WASHC3: variants seen among roughly 807,000 people sequenced by gnomAD.
The protein encoded by WASHC3 is WASH complex subunit 3.
WASHC3 carries 24 observed loss-of-function variants against 26.1 expected under a neutral mutation model. The ratio of observed to expected loss-of-function variants is 0.92; its 90% CI spans 0.66 to 1.29. WASHC3 has a LOEUF of 1.29. WASHC3 is among the 50% of genes most tolerant of loss of function. WASHC3 has a pLI of 0.00. For missense variants in WASHC3, 214 were observed against 229.6 expected (o/e 0.93, Z 0.44); for synonymous variants, 77 against 75.7 (o/e 1.02, Z -0.09).
At chr12:102,060,275 C>G (rs1439620410) in intron 2 of WASHC3, among the ~76,000 whole-genome samples, 1 of 152,166 alleles carries the variant, frequency 6.6e-6, no homozygotes, top group Non-Finnish European at 1.5e-5. Context: ...GACAGGGATT[C>G]CCTGGATCCT....
chr12:102,018,704 A>G (rs1236628356), intron 6 of WASHC3, among the ~76,000 whole-genome samples: 1 of 152,248 alleles, frequency 6.6e-6, no homozygotes, highest in African/African-American at 2.4e-5. Context: ...TCCTGGCTTC[A>G]AGTGATTCTC....
intron 6 of WASHC3, among the ~76,000 whole-genome samples, chr12:102,013,655 T>C (rs1479399038): frequency 6.6e-6 from 1 of 152,154 alleles, no homozygotes; most frequent in East Asian, 1.9e-4. Flanking sequence ...AAATGGCTAA[T>C]AAAAAAATAG....
chr12:102,053,908 A>G (rs1196739423), intron 2 of WASHC3, among the ~76,000 whole-genome samples: 1 of 152,258 alleles, frequency 6.6e-6, no homozygotes, highest in Non-Finnish European at 1.5e-5. Flanking sequence ...TTGTTAAGGG[A>G]TATGCAGTAT....
chr12:102,050,241 G>A (rs1878333049), intron 2 of WASHC3: 1 of 451,176 alleles, frequency 2.2e-6, no homozygotes, highest in South Asian at 1.6e-5. Context: ...GCTGCAGTGA[G>A]CTAAGTTCAC....
intron 5 of WASHC3, among the ~76,000 whole-genome samples, chr12:102,037,818 C>CA (rs1877732365): frequency 6.6e-6 from 1 of 151,050 alleles, no homozygotes. Context: ...TTTTTTGAGA[C>CA]AGAGTTTCAC....
intron 5 of WASHC3, among the ~76,000 whole-genome samples, chr12:102,035,498 A>G (rs969614544): frequency 4.6e-5 from 7 of 152,208 alleles, no homozygotes; most frequent in Non-Finnish European, 1.5e-5. Flanking sequence ...TAATCCAAAA[A>G]ATAATGATTG....
intron 4 of WASHC3, chr12:102,043,890 G>A (rs751252611): frequency 2.6e-5 from 8 of 302,998 alleles, no homozygotes; most frequent in Non-Finnish European, 4.3e-5. Context: ...TATATAGACT[G>A]ATTTTCTTTT....
intron 6 of WASHC3, 99 bp downstream of exon 6, chr12:102,025,875 C>A: frequency 1.4e-6 from 1 of 704,644 alleles, no homozygotes. Context: ...CCATAAAACA[C>A]TGTAGGAATA....
chr12:102,016,030 C>A (rs1015499758), intron 6 of WASHC3, among the ~76,000 whole-genome samples: 23 of 152,030 alleles, frequency 1.5e-4, no homozygotes, highest in African/African-American at 5.6e-4. Context: ...GCTGAGACTA[C>A]AGGCATGCGC....
At chr12:102,061,815 A>G in intron 1 of WASHC3, 97 bp downstream of exon 1, 1 of 1,052,196 alleles carries the variant, frequency 9.5e-7, no homozygotes, top group Non-Finnish European at 1.4e-6. Flanking sequence ...AGGCCGTGAC[A>G]GGGTGGGGAC....
intron 6 of WASHC3, 101 bp from the exon 7 acceptor site, chr12:102,013,293 A>G (rs565627242): frequency 7.7e-6 from 5 of 648,984 alleles, no homozygotes; most frequent in African/African-American, 3.7e-5. Flanking sequence ...CTGCTAATAA[A>G]TCTGCCAAGT....
At chr12:102,046,405 C>A (rs1757082150) in intron 2 of WASHC3, among the ~76,000 whole-genome samples, 1 of 152,084 alleles carries the variant, frequency 6.6e-6, no homozygotes, top group South Asian at 2.1e-4. Flanking sequence ...AAGTGATTCT[C>A]CTGCCTCAGC....
intron 2 of WASHC3, among the ~76,000 whole-genome samples, chr12:102,053,758 CAG>C (rs1277771329): frequency 2.0e-5 from 3 of 151,466 alleles, no homozygotes; most frequent in Admixed American, 1.3e-4. Flanking sequence ...AAAAATCAAA[CAG>C]AAATTTTAGA....
chr12:102,058,470 A>G (rs1184571107), intron 2 of WASHC3, among the ~76,000 whole-genome samples: 1 of 152,116 alleles, frequency 6.6e-6, no homozygotes, highest in Admixed American at 6.5e-5. Context: ...TATTTTTTAA[A>G]AATTATTTTA....
chr12:102,046,839 G>A (rs938423258), intron 2 of WASHC3, among the ~76,000 whole-genome samples: 1 of 152,118 alleles, frequency 6.6e-6, no homozygotes, highest in Non-Finnish European at 1.5e-5. Flanking sequence ...ATTATTCAAA[G>A]ACACGCTGCA....
At chr12:102,056,023 A>G (rs549362178) in intron 2 of WASHC3, among the ~76,000 whole-genome samples, 1 of 152,336 alleles carries the variant, frequency 6.6e-6, no homozygotes, top group Admixed American at 6.5e-5. Flanking sequence ...GTTTTAGGAG[A>G]CGTTAATTCT....
intron 5 of WASHC3, among the ~76,000 whole-genome samples, chr12:102,032,780 C>T (rs1877491267): frequency 6.6e-6 from 1 of 152,040 alleles, no homozygotes; most frequent in East Asian, 1.9e-4. Context: ...AGAAACTATA[C>T]CATGTTGTAT....
chr12:102,015,811 T>A (rs961016401), intron 6 of WASHC3, among the ~76,000 whole-genome samples: 1 of 152,212 alleles, frequency 6.6e-6, no homozygotes, highest in Non-Finnish European at 1.5e-5. Context: ...AGTGATGAAC[T>A]GCATAGGACG....
chr12:102,026,162 T>A (rs1349941137), intron 5 of WASHC3, 124 bp from the exon 6 acceptor site: 1 of 606,960 alleles, frequency 1.6e-6, no homozygotes, highest in African/African-American at 1.9e-5. Flanking sequence ...ACTTTAAAAT[T>A]AGCATGTGCC....
Sources: gnomAD v4.1 joint callset for allele counts (sites outside exome capture counted in the v4.1 genomes callset) on GRCh38, gnomAD v4.1.1 for gene constraint, MANE v1.5 for transcripts, NCBI Gene and HGNC (gene_info 2026-07-23, HGNC 2026-07-21) for gene names.